The following BCL2L1 variants were observed in gnomAD, a reference collection of about 807,000 sequenced individuals.
BCL2L1 encodes bcl-2-like protein 1.
Under a neutral mutation model 18.7 loss-of-function variants are expected in BCL2L1, and 1 was observed. The ratio of observed to expected loss-of-function variants is 0.05; its 90% CI spans 0.02 to 0.25. The LOEUF (loss-of-function observed/expected upper bound fraction) is 0.25, where lower values mean the gene tolerates loss of function less well. Ranked by LOEUF, BCL2L1 falls within the 10% of genes least tolerant of loss-of-function variation. BCL2L1 has a pLI of 1.00. For synonymous variants in BCL2L1, 103 were observed against 122.7 expected (o/e 0.84, Z 1.06); for missense variants, 207 against 304.9 (o/e 0.68, Z 2.39).
intron 2 of BCL2L1, among the ~76,000 whole-genome samples, chr20:31,676,745 A>G (rs2060768902): frequency 6.6e-6 from 1 of 152,188 alleles, no homozygotes; most frequent in South Asian, 2.1e-4. Flanking sequence ...TGGAGTGCTG[A>G]AGTCCCACAG....
At position 31,722,045 on chromosome 20, in the gene BCL2L1, G is replaced by A. The variant is rs918140042; in HGVS notation, c.174C>T (p.His58=). The change falls in exon 2 of 3, where the codon CAC becomes CAT. Residue 58 remains histidine (H), a synonymous_variant. Coordinates refer to ENST00000307677, the MANE Select transcript of BCL2L1 (RefSeq NM_138578.3). ...CATTCACCGCGGGGCTGTCTGCCAG[G>A]TGCCAGGATGGGTTGCCATTGATGG... is the stretch of plus-strand genomic sequence containing the variant. ...PSAINGNPSW[H]LADSPAVNGA... is the part of the protein sequence containing the mutation. 1.2e-6 allele frequency: 2 copies of A among 1,607,934 alleles called. No individual in the cohort carries two copies. Among genetic ancestry groups the A allele is most frequent in the Non-Finnish European group, 1.7e-6 (2 of 1,176,352 alleles).
At chr20:31,717,930 T>A (rs967284790) in intron 2 of BCL2L1, among the ~76,000 whole-genome samples, 1 of 152,240 alleles carries the variant, frequency 6.6e-6, no homozygotes, top group Non-Finnish European at 1.5e-5. Flanking sequence ...GAAACACTTG[T>A]GTCCCTTCGG....
rs769154919 is a variant in BCL2L1, at chr20:31,665,907, A to G, written c.*42T>C. On this transcript the variant is annotated 3_prime_UTR_variant, in exon 3 of 3. Transcript: ENST00000307677. ...GGCTGGACGGAGGATGTGGTGGAGC[A>G]GAGAAGGGGGTGGGAGGGTAGAGTG... 2 of 1,603,086 alleles carry G rather than the reference A, an allele frequency of 1.2e-6. No individual in the cohort carries two copies. Among genetic ancestry groups the G allele is most frequent in the Non-Finnish European group, 1.7e-6 (2 of 1,173,672 alleles).
intron 2 of BCL2L1, among the ~76,000 whole-genome samples, chr20:31,677,921 A>G (rs1226493300): frequency 6.6e-6 from 1 of 152,206 alleles, no homozygotes; most frequent in Non-Finnish European, 1.5e-5. Flanking sequence ...AGTGTTGGAC[A>G]GAGAGGAGGG....
intron 2 of BCL2L1, among the ~76,000 whole-genome samples, chr20:31,699,776 G>C (rs2061246198): frequency 6.6e-6 from 1 of 152,184 alleles, no homozygotes; most frequent in Non-Finnish European, 1.5e-5. Flanking sequence ...GGAAAAGAAA[G>C]TAGGGCTAAT....
rs141063194 is a variant in BCL2L1, at chr20:31,668,690, C to T, written c.565-2604G>A. Among the ~76,000 whole-genome samples the T allele has an allele frequency of 3.8e-3, 577 of 151,472 alleles. 11 individuals are homozygous for T. The East Asian group carries it at 0.046, about 12-fold the overall frequency. ...CGCGATCTCAGCTCACTGCAACCTC[C>T]GCCTCCCAGGTTCAAGCGATTCTCC... On this transcript the variant is annotated intron_variant, in intron 2 of 2. Transcript: ENST00000307677.
intron 2 of BCL2L1, among the ~76,000 whole-genome samples, chr20:31,696,958 A>G (rs1314331548): frequency 6.7e-6 from 1 of 149,948 alleles, no homozygotes; most frequent in African/African-American, 2.5e-5. Context: ...CGGGAGGCTG[A>G]GGCAGGAGAA....
chr20:31,705,768 T>A (rs1296793571), intron 2 of BCL2L1, among the ~76,000 whole-genome samples: 12 of 152,176 alleles, frequency 7.9e-5, no homozygotes, highest in Admixed American at 7.9e-4. Flanking sequence ...GAACCTACAC[T>A]AGCACCACTA....
chr20:31,721,920 C>T lies in BCL2L1; in HGVS notation c.299G>A (p.Arg100Gln). The T allele has an allele frequency of 6.2e-7, 1 of 1,614,190 alleles. No individual in the cohort carries two copies. Among genetic ancestry groups the T allele is most frequent in the Non-Finnish European group, 8.5e-7 (1 of 1,180,022 alleles). The change falls in exon 2 of 3, where the codon CGG (arginine) becomes CAG (glutamine). Residue 100 changes from arginine (R) to glutamine (Q), a missense_variant. Transcript: ENST00000307677. ...CAGGTCACTGAATGCCCGCCGGTAC[C>T]GCAGTTCAAACTCGTCGCCTGCCTC... ...LREAGDEFELRYRRAFSDLTS... is the reference protein window; with the variant it reads ...LREAGDEFELQYRRAFSDLTS...
intron 2 of BCL2L1, among the ~76,000 whole-genome samples, chr20:31,701,973 G>GACAGACAAAAACAAGTAC (rs1288493463): frequency 6.6e-6 from 1 of 152,184 alleles, no homozygotes; most frequent in East Asian, 1.9e-4. Flanking sequence ...TAATAGAAGA[G>GACAGACAAAAACAAGTAC]ACAGACAAAA....
At chr20:31,693,495 G>A (rs1187969368) in intron 2 of BCL2L1, among the ~76,000 whole-genome samples, 1 of 151,924 alleles carries the variant, frequency 6.6e-6, no homozygotes, top group African/African-American at 2.4e-5. Flanking sequence ...GCTGTGATTG[G>A]GGAGGGGGTA....
intron 2 of BCL2L1, among the ~76,000 whole-genome samples, chr20:31,715,403 T>A (rs149037952): frequency 5.9e-5 from 9 of 152,166 alleles, no homozygotes; most frequent in Admixed American, 4.6e-4. Context: ...CCCCACCTTC[T>A]ACCCTTTTCC....
intron 2 of BCL2L1, among the ~76,000 whole-genome samples, chr20:31,666,896 G>A (rs1015497566): frequency 6.6e-6 from 1 of 152,166 alleles, no homozygotes; most frequent in Non-Finnish European, 1.5e-5. Flanking sequence ...GGGGAAGGAG[G>A]AGCTGTGGGC....
At chr20:31,692,842 G>A (rs1033643110) in intron 2 of BCL2L1, among the ~76,000 whole-genome samples, 18 of 152,016 alleles carry the variant, frequency 1.2e-4, no homozygotes, top group African/African-American at 4.1e-4. Flanking sequence ...CCGGGTGGCA[G>A]AGGTTGCAGT....
At chr20:31,701,694 T>A (rs77805075) in intron 2 of BCL2L1, among the ~76,000 whole-genome samples, 1 of 152,250 alleles carries the variant, frequency 6.6e-6, no homozygotes, top group Non-Finnish European at 1.5e-5. Context: ...CAATTAAGAA[T>A]AAGTGGCAAA....
At chr20:31,677,339 G>C (rs2060781331) in intron 2 of BCL2L1, among the ~76,000 whole-genome samples, 1 of 151,898 alleles carries the variant, frequency 6.6e-6, no homozygotes, top group Non-Finnish European at 1.5e-5. Context: ...GCACCACCAT[G>C]CCTGGCTAAT....
chr20:31,695,147 C>T (rs1480330371), intron 2 of BCL2L1, among the ~76,000 whole-genome samples: 1 of 152,182 alleles, frequency 6.6e-6, no homozygotes, highest in African/African-American at 2.4e-5. Context: ...GACCACTGCT[C>T]GCCACTTCCA....
At chr20:31,713,818 C>T (rs1316838969) in intron 2 of BCL2L1, among the ~76,000 whole-genome samples, 1 of 152,116 alleles carries the variant, frequency 6.6e-6, no homozygotes, top group African/African-American at 2.4e-5. Flanking sequence ...AAAGACTTGC[C>T]CAAGGTCACA....
intron 2 of BCL2L1, among the ~76,000 whole-genome samples, chr20:31,715,195 C>G (rs1442439983): frequency 1.3e-5 from 2 of 151,738 alleles, no homozygotes; most frequent in Admixed American, 6.6e-5. Flanking sequence ...TGGCGTGAAC[C>G]CAGGAGGTGC....
Sources: allele counts gnomAD v4.1 joint callset (sites outside exome capture counted in the v4.1 genomes callset), GRCh38; gene constraint gnomAD v4.1.1; transcripts MANE v1.5; gene names NCBI Gene and HGNC (gene_info 2026-07-23, HGNC 2026-07-21).